The following CSMD1 variants were observed in gnomAD, a reference collection of about 807,000 sequenced individuals.
CSMD1 encodes CUB and Sushi multiple domains 1, also known as CUB and sushi domain-containing protein 1.
A neutral mutation model predicts 417.5 loss-of-function variants in CSMD1; 213 were observed. The ratio of observed to expected loss-of-function variants is 0.51; its 90% CI spans 0.46 to 0.57. CSMD1 has a LOEUF of 0.57. CSMD1 is among the 20% of genes least tolerant of loss of function. The probability of loss-of-function intolerance (pLI) is 0.00; values close to 1 mark genes in which losing one functional copy is unlikely to be tolerated. For missense variants in CSMD1, 6,923 were observed against 4,529.7 expected (o/e 1.53, Z -15.17); for synonymous variants, 2,862 against 1,736.8 (o/e 1.65, Z -16.11).
chr8:3,674,516 A>G (rs1799268228), intron 7 of CSMD1, among the ~76,000 whole-genome samples: 1 of 152,204 alleles, frequency 6.6e-6, no homozygotes, highest in Non-Finnish European at 1.5e-5. Flanking sequence ...ACCGTGAATC[A>G]TTAGATAATT....
intron 2 of CSMD1, among the ~76,000 whole-genome samples, chr8:4,466,254 A>G (rs146381759): frequency 2.2e-3 from 337 of 152,270 alleles, no homozygotes; most frequent in African/African-American, 7.6e-3. Context: ...AGATAACCAC[A>G]GATCAGTGGA....
At chr8:3,408,718 C>T (rs1349226185) in intron 13 of CSMD1, among the ~76,000 whole-genome samples, 2 of 151,888 alleles carry the variant, frequency 1.3e-5, no homozygotes, top group African/African-American at 2.4e-5. Context: ...AACTTGGAAA[C>T]ATCAGATCAT....
chr8:3,688,104 T>G (rs1800041177), intron 7 of CSMD1, among the ~76,000 whole-genome samples: 2 of 152,228 alleles, frequency 1.3e-5, no homozygotes, highest in African/African-American at 4.8e-5. Flanking sequence ...AATGACCACT[T>G]AGTGTGCTTA....
chr8:4,125,375 C>A (rs1363794117), intron 3 of CSMD1, among the ~76,000 whole-genome samples: 4 of 152,114 alleles, frequency 2.6e-5, no homozygotes, highest in African/African-American at 7.2e-5. Flanking sequence ...CCTGCAGGTC[C>A]CCTCCCTGCT....
At chr8:3,303,118 G>A (rs1012938818) in intron 25 of CSMD1, among the ~76,000 whole-genome samples, 2 of 152,212 alleles carry the variant, frequency 1.3e-5, no homozygotes, top group East Asian at 1.9e-4. Flanking sequence ...AGGGTCTATA[G>A]TGATGTTGAT....
At chr8:3,298,578 C>G (rs573740885) in intron 25 of CSMD1, among the ~76,000 whole-genome samples, 101 of 152,214 alleles carry the variant, frequency 6.6e-4, no homozygotes, top group African/African-American at 2.2e-3. Flanking sequence ...CTCAGCCTCC[C>G]GAGTAGCTGG....
At chr8:4,244,086 G>C (rs908210087) in intron 3 of CSMD1, among the ~76,000 whole-genome samples, 1 of 152,180 alleles carries the variant, frequency 6.6e-6, no homozygotes, top group Non-Finnish European at 1.5e-5. Context: ...GGACAGCTCT[G>C]TGCATCTGAA....
intron 2 of CSMD1, among the ~76,000 whole-genome samples, chr8:4,445,256 G>C (rs899540846): frequency 2.0e-5 from 3 of 151,902 alleles, no homozygotes; most frequent in Non-Finnish European, 4.4e-5. Flanking sequence ...TCTCTTTCTA[G>C]CCATATGTTC....
chr8:3,087,165 C>T lies in CSMD1; in HGVS notation c.7406G>A (p.Ser2469Asn), dbSNP rs771496497. Residue 2469 changes from serine (S) to asparagine (N), a missense_variant, in exon 49 of 70, where the codon AGC becomes AAC. Coordinates refer to ENST00000635120, the MANE Select transcript of CSMD1 (RefSeq NM_033225.6). ...TGGGTTTCGTCTACAGGTTGCATTG[C>T]TGTGGCCGACCATTCGGTATCCAGG... ...CKPGYRMVGH[S>N]NATCRRNPLG... is the part of the protein sequence containing the mutation. The T allele has an allele frequency of 5.6e-6, 9 of 1,613,928 alleles. No individual in the cohort carries two copies. In the Admixed American group the frequency reaches 1.3e-4, roughly 24 times the overall value.
chr8:3,463,092 G>C lies in CSMD1; in HGVS notation c.1561+5620C>G, dbSNP rs550602130. ...CCTTGATCGTGGACTTCCCAGAACTGTGAGAGATACAATTCCATTGTCGCC... is the reference window on the plus strand; with the variant it reads ...CCTTGATCGTGGACTTCCCAGAACTCTGAGAGATACAATTCCATTGTCGCC... On this transcript the variant is annotated intron_variant, in intron 12 of 69. Transcript: ENST00000635120. Among the ~76,000 whole-genome samples the C allele has an allele frequency of 2.0e-5, 3 of 152,296 alleles. No homozygotes were observed. In the South Asian group the frequency reaches 6.2e-4, roughly 32 times the overall value.
intron 5 of CSMD1, among the ~76,000 whole-genome samples, chr8:3,805,101 T>C (rs1196833084): frequency 6.6e-6 from 1 of 151,846 alleles, no homozygotes; most frequent in Non-Finnish European, 1.5e-5. Flanking sequence ...AACCCCACTG[T>C]TATGAATGGG....
intron 3 of CSMD1, among the ~76,000 whole-genome samples, chr8:4,185,528 A>C (rs1448815172): frequency 1.3e-5 from 2 of 152,238 alleles, no homozygotes; most frequent in African/African-American, 2.4e-5. Flanking sequence ...ACAAGTGGGC[A>C]TAAAGAGAAA....
chr8:4,136,417 T>TA (rs1357674533), intron 3 of CSMD1, among the ~76,000 whole-genome samples: 1 of 152,118 alleles, frequency 6.6e-6, no homozygotes, highest in Non-Finnish European at 1.5e-5. Context: ...ATAAATAACA[T>TA]AAAACTGGTT....
At chr8:4,125,372 G>T (rs1585369064) in intron 3 of CSMD1, among the ~76,000 whole-genome samples, 1 of 152,146 alleles carries the variant, frequency 6.6e-6, no homozygotes, top group Non-Finnish European at 1.5e-5. Context: ...TGACCTGCAG[G>T]TCCCCTCCCT....
chr8:3,201,760 G>A (rs749657169), intron 31 of CSMD1, 35 bp from the exon 32 acceptor site: 3 of 1,312,098 alleles, frequency 2.3e-6, no homozygotes, highest in Non-Finnish European at 3.2e-6. Context: ...GGCACAAGAT[G>A]CTCTAAGAAA....
At chr8:3,157,604 A>G (rs1819612263) in intron 39 of CSMD1, among the ~76,000 whole-genome samples, 1 of 152,200 alleles carries the variant, frequency 6.6e-6, no homozygotes, top group Non-Finnish European at 1.5e-5. Context: ...ACAAATTAAC[A>G]AACTGGCCTT....
rs549646432 is a variant in CSMD1, at chr8:3,407,752, C to T, written c.2071+147G>A. ...TTGTTTTTAAGTTTTCAGGATAACA[C>T]TATAATTTTACTACTGTCATTTTCA... On this transcript the variant is annotated intron_variant, in intron 14 of 69. Coordinates refer to ENST00000635120, the MANE Select transcript of CSMD1 (RefSeq NM_033225.6). 1.2e-5 allele frequency: 9 copies of T among 748,550 alleles called. No homozygotes were observed. In the East Asian group the frequency reaches 2.2e-4, roughly 18 times the overall value. 46.4% of individuals were successfully genotyped at this position (748,550 alleles called of 1,614,324 possible).
intron 7 of CSMD1, among the ~76,000 whole-genome samples, chr8:3,661,585 C>T (rs1281568664): frequency 6.6e-6 from 1 of 152,166 alleles, no homozygotes; most frequent in East Asian, 1.9e-4. Context: ...AAACCTCCAC[C>T]TCCCGGGTTC....
intron 5 of CSMD1, among the ~76,000 whole-genome samples, chr8:3,995,026 C>T (rs1327549769): frequency 6.6e-6 from 1 of 152,120 alleles, no homozygotes; most frequent in African/African-American, 2.4e-5. Flanking sequence ...ACAATGCTCC[C>T]CGTCCCTGTC....
Sources: allele counts gnomAD v4.1 joint callset (sites outside exome capture counted in the v4.1 genomes callset), GRCh38; gene constraint gnomAD v4.1.1; transcripts MANE v1.5; gene names NCBI Gene and HGNC (gene_info 2026-07-23, HGNC 2026-07-21).